EMC10: variants seen among roughly 807,000 people sequenced by gnomAD.
EMC10 encodes ER membrane protein complex subunit 10.
EMC10 carries 40 observed loss-of-function variants against 32.2 expected under a neutral mutation model. The observed-to-expected ratio is 1.24, with a 90% CI of 0.96 to 1.61. The LOEUF is 1.61. Among genes scored for constraint, EMC10 ranks in the 40% most tolerant of loss-of-function variants. The pLI, the probability that EMC10 is intolerant of heterozygous loss-of-function variation, is 0.00. For missense variants in EMC10, 402 were observed against 357.7 expected (o/e 1.12, Z -1.00); for synonymous variants, 178 against 158.4 (o/e 1.12, Z -0.93).
chr19:50,479,148 C>G, intron 3 of EMC10, 82 bp downstream of exon 3: 2 of 1,135,350 alleles, frequency 1.8e-6, no homozygotes, highest in Non-Finnish European at 2.6e-6. Flanking sequence ...TGCTGGTCCC[C>G]AGCAGCCTTC....
In EMC10 at chr19:50,486,770, C is replaced by G. The variant is rs1978371416; in HGVS notation, c.*4511C>G. 6.6e-6 allele frequency: 1 copy of G among 152,156 alleles called. No homozygotes were observed. Among genetic ancestry groups the G allele is most frequent in the Non-Finnish European group, 1.5e-5 (1 of 68,032 alleles). 9.4% of individuals were successfully genotyped at this position (152,156 alleles called of 1,614,324 possible). A position where few individuals can be genotyped will look rare whatever the true frequency, so the allele number is the denominator to read the frequency against. On this transcript the variant is annotated 3_prime_UTR_variant, in exon 7 of 7. Transcript: ENST00000334976. ...GCCAATCCACCCACCCATAGAATGACTTGAAAATGTGTGAAGTTCAGAAGT... is the reference window on the plus strand; with the variant it reads ...GCCAATCCACCCACCCATAGAATGAGTTGAAAATGTGTGAAGTTCAGAAGT...
At position 50,489,704 on chromosome 19, in the gene EMC10, A is replaced by T. The variant is rs1489861880; in HGVS notation, c.*7445A>T. The T allele has an allele frequency of 2.0e-5, 3 of 152,670 alleles. No homozygotes were observed. The highest frequency in any genetic ancestry group is 7.2e-5 in the African/African-American group (3 of 41,452). The allele number at this position is 152,670 out of a possible 1,614,324, so 9.5% of individuals were successfully genotyped here. On this transcript the variant is annotated 3_prime_UTR_variant, in exon 7 of 7. Transcript: ENST00000334976. Reference sequence around the variant, plus strand: ...AGGGAGAGAAAGGACAACGAATGGGACTAGACGAGGATGGGGAGGAACAGA... The same window carrying T: ...AGGGAGAGAAAGGACAACGAATGGGTCTAGACGAGGATGGGGAGGAACAGA...
chr19:50,476,608 C>A lies in EMC10; in HGVS notation c.64C>A (p.Pro22Thr). 1 of 1,561,808 alleles carries A rather than the reference C, an allele frequency of 6.4e-7. No homozygotes were observed. The highest frequency in any genetic ancestry group is 8.6e-7 in the Non-Finnish European group (1 of 1,159,426). ...GCTCTTGCTGATGGCGGTAGCAGCG[C>A]CCAGTCGAGCCCGGGGCAGCGGCTG... ...LLLLLMAVAAPSRARGSGCRA... is the reference protein window; with the variant it reads ...LLLLLMAVAATSRARGSGCRA... Residue 22 changes from proline (P) to threonine (T), a missense_variant, in exon 1 of 7, where the codon CCC becomes ACC. Pro to Thr is a conservative substitution (Grantham distance 38). Transcript: ENST00000334976.
Position 50,479,065 on chromosome 19 carries a change from G to T in EMC10, c.296G>T (p.Arg99Leu), listed in dbSNP as rs750637693. 22 of 1,597,854 alleles carry T rather than the reference G, an allele frequency of 1.4e-5. No homozygotes were observed. The highest frequency in any genetic ancestry group is 1.8e-5 in the Non-Finnish European group (21 of 1,172,918). Residue 99 changes from arginine (R) to leucine (L), a missense_variant and splice_region_variant, in exon 3 of 7, where the codon CGG becomes CTG. Coordinates refer to ENST00000334976, the MANE Select transcript of EMC10 (RefSeq NM_206538.4). Reference protein sequence around the residue: ...QLSEEERGRLRDVAALNGLYR... With the variant: ...QLSEEERGRLLDVAALNGLYR... Reference sequence around the variant, plus strand: ...AGCGAGGAGGAGCGGGGCCGACTCCGGGTGAGGTGGGGCCCTCAGGGCTGG... The same window carrying T: ...AGCGAGGAGGAGCGGGGCCGACTCCTGGTGAGGTGGGGCCCTCAGGGCTGG...
chr19:50,482,033 T>A, intron 6 of EMC10, 116 bp from the exon 7 acceptor site: 1 of 1,528,734 alleles, frequency 6.5e-7, no homozygotes, highest in African/African-American at 1.4e-5. Context: ...CGCCCTCCCC[T>A]TACGCGACCT....
In EMC10 at chr19:50,476,621, G is replaced by A. The variant is rs747264212; in HGVS notation, c.77G>A (p.Arg26Gln). Residue 26 changes from arginine to glutamine, a missense_variant, in exon 1 of 7, where the codon CGG becomes CAG. Arg to Gln is a conservative substitution (Grantham distance 43). Transcript: ENST00000334976. ...LMAVAAPSRA[R>Q]GSGCRAGTGA... ...GCGGTAGCAGCGCCCAGTCGAGCCC[G>A]GGGCAGCGGCTGCCGGGCCGGGACT... 5.8e-6 allele frequency: 9 copies of A among 1,556,282 alleles called. No homozygotes were observed. Among genetic ancestry groups the A allele is most frequent in the East Asian group, 2.4e-5 (1 of 42,170 alleles).
In EMC10 at chr19:50,484,540, A is replaced by C. The variant is rs1260462637; in HGVS notation, c.*2281A>C. On this transcript the variant is annotated 3_prime_UTR_variant, in exon 7 of 7. Coordinates refer to ENST00000334976, the MANE Select transcript of EMC10 (RefSeq NM_206538.4). ...TGTTGGGTATTCCAGGAAATGCCTG[A>C]GCTCCTTCAGGCTCCCCTAGCGTTC... is the stretch of plus-strand genomic sequence containing the variant. 1 of 151,888 alleles carries C rather than the reference A, an allele frequency of 6.6e-6. No homozygotes were observed. Among genetic ancestry groups the C allele is most frequent in the African/African-American group, 2.4e-5 (1 of 41,310 alleles). 9.4% of individuals were successfully genotyped at this position (151,888 alleles called of 1,614,324 possible). A position where few individuals can be genotyped will look rare whatever the true frequency, so the allele number is the denominator to read the frequency against.
At chr19:50,477,801 A>G in intron 1 of EMC10, 128 bp from the exon 2 acceptor site, 1 of 618,134 alleles carries the variant, frequency 1.6e-6, no homozygotes, top group South Asian at 2.2e-5. Context: ...AAAGGCAAGC[A>G]GCAGTGATTA....
At chr19:50,481,201 G>T in intron 6 of EMC10, 1 of 517,064 alleles carries the variant, frequency 1.9e-6, no homozygotes, top group South Asian at 2.8e-5. Context: ...AGGGTCCTGG[G>T]GGAGGTCTCG....
chr19:50,487,361 G>T lies in EMC10; in HGVS notation c.*5102G>T, dbSNP rs1256052058. ...GAGCCCACTCCTGGCCAACCCCAGG[G>T]GCCCCACCCAGTCCTGTCCCTGCTC... On this transcript the variant is annotated 3_prime_UTR_variant, in exon 7 of 7. Transcript: ENST00000334976. 1 of 152,214 alleles carries T rather than the reference G, an allele frequency of 6.6e-6. No individual in the cohort carries two copies. Among genetic ancestry groups the T allele is most frequent in the Admixed American group, 6.5e-5 (1 of 15,272 alleles). The allele number at this position is 152,214 out of a possible 1,614,324, so 9.4% of individuals were successfully genotyped here. A position where few individuals can be genotyped will look rare whatever the true frequency, so the allele number is the denominator to read the frequency against.
At position 50,480,744 on chromosome 19, in the gene EMC10, C is replaced by T. The variant is rs143536282; in HGVS notation, c.566C>T (p.Pro189Leu). 43 of 1,596,196 alleles carry T rather than the reference C, an allele frequency of 2.7e-5. No individual in the cohort carries two copies. The highest frequency in any genetic ancestry group is 5.1e-5 in the Admixed American group (3 of 58,688). Residue 189 changes from proline to leucine, a missense_variant, in exon 5 of 7, where the codon CCG becomes CTG. Physicochemically the swap from Pro to Leu is moderately conservative, Grantham distance 98. Transcript: ENST00000334976. The surrounding 1 kb of genome is among the most constrained non-coding windows in gnomAD (Gnocchi z 4.4). ...ELFNTSVQLQ[P>L]PTTAPGPETA... ...TTCAACACCTCGGTGCAGCTGCAGC[C>T]GCCCACCACAGCCCCAGGGTGAGCC... is the stretch of plus-strand genomic sequence containing the variant.
At chr19:50,481,560 TGTG>T in intron 6 of EMC10, 1 of 444,164 alleles carries the variant, frequency 2.3e-6, no homozygotes, top group South Asian at 3.2e-5. Flanking sequence ...GGTGTTAGGT[TGTG>T]GCACAGGAGC....
rs1978375667 is a variant in EMC10, at chr19:50,486,892, C to T, written c.*4633C>T. ...ATATTACAACTTCTCCCTCTCCCCTCCTTCCACCCAGTATCCCCTGTTCCT... is the reference window on the plus strand; with the variant it reads ...ATATTACAACTTCTCCCTCTCCCCTTCTTCCACCCAGTATCCCCTGTTCCT... On this transcript the variant is annotated 3_prime_UTR_variant, in exon 7 of 7. Transcript: ENST00000334976. The T allele has an allele frequency of 6.6e-6, 1 of 152,198 alleles. No homozygotes were observed. The highest frequency in any genetic ancestry group is 2.1e-4 in the South Asian group (1 of 4,812). 9.4% of individuals were successfully genotyped at this position (152,198 alleles called of 1,614,324 possible). A position where few individuals can be genotyped will look rare whatever the true frequency, so the allele number is the denominator to read the frequency against.
Position 50,486,905 on chromosome 19 carries a change from A to G in EMC10, c.*4646A>G, listed in dbSNP as rs1978376079. ...TCCCTCTCCCCTCCTTCCACCCAGT[A>G]TCCCCTGTTCCTCCCCCAGGCATTC... is the stretch of plus-strand genomic sequence containing the variant. On this transcript the variant is annotated 3_prime_UTR_variant, in exon 7 of 7. Transcript: ENST00000334976. The G allele has an allele frequency of 6.6e-6, 1 of 151,672 alleles. No homozygotes were observed. Among genetic ancestry groups the G allele is most frequent in the African/African-American group, 2.4e-5 (1 of 41,160 alleles). 9.4% of individuals were successfully genotyped at this position (151,672 alleles called of 1,614,324 possible). A position where few individuals can be genotyped will look rare whatever the true frequency, so the allele number is the denominator to read the frequency against.
At chr19:50,481,596 A>G (rs2387112) in intron 6 of EMC10, 350,805 of 497,196 alleles carry the variant, frequency 0.71, 125,622 homozygotes, top group African/African-American at 0.92. Flanking sequence ...AGGCCAGCGA[A>G]GAGGTCTGTG....
Position 50,480,637 on chromosome 19 carries a change from C to A in EMC10, c.459C>A (p.Ala153=). ...SDQLTLHVDV[A]GNVVGVSVVT... The stretch of plus-strand genomic sequence containing the variant: ...AGCTGACCCTGCACGTGGATGTGGC[C>A]GGCAACGTGGTGGGCGTGTCGGTGG... The change falls in exon 5 of 7, where the codon GCC becomes GCA. Residue 153 remains alanine (A), a synonymous_variant. Coordinates refer to ENST00000334976, the MANE Select transcript of EMC10 (RefSeq NM_206538.4). This position sits in a 1 kb window ranked among gnomAD's most constrained non-coding sequence, Gnocchi z 4.4. 1 of 1,583,618 alleles carries A rather than the reference C, an allele frequency of 6.3e-7. No homozygotes were observed. The highest frequency in any genetic ancestry group is 2.3e-5 in the East Asian group (1 of 43,130).
chr19:50,481,761 G>A (rs1473241799), intron 6 of EMC10: 3 of 1,022,546 alleles, frequency 2.9e-6, no homozygotes, highest in Non-Finnish European at 4.2e-6. Flanking sequence ...TGCCTGCTGG[G>A]CCCTGCCCTG....
Position 50,482,594 on chromosome 19 carries a change from C to T in EMC10, c.*335C>T, listed in dbSNP as rs1016758978. ...CGCATCCCCCTACCCCGAGCCCATG[C>T]AGTCTGGGAACATGCCGCCTTCTCT... On this transcript the variant is annotated 3_prime_UTR_variant, in exon 7 of 7. Coordinates refer to ENST00000334976, the MANE Select transcript of EMC10 (RefSeq NM_206538.4). 20 of 502,396 alleles carry T rather than the reference C, an allele frequency of 4.0e-5. No individual in the cohort carries two copies. The highest frequency in any genetic ancestry group is 7.0e-5 in the Non-Finnish European group (20 of 286,312). 31.1% of individuals were successfully genotyped at this position (502,396 alleles called of 1,614,324 possible).
At chr19:50,477,678 C>T (rs1294425870) in intron 1 of EMC10, among the ~76,000 whole-genome samples, 2 of 152,134 alleles carry the variant, frequency 1.3e-5, no homozygotes, top group African/African-American at 2.4e-5. Context: ...TGGAAGTGAC[C>T]TTGGGATAGT....
Sources: allele counts gnomAD v4.1 joint callset (sites outside exome capture counted in the v4.1 genomes callset), GRCh38; gene constraint gnomAD v4.1.1; non-coding constraint Gnocchi (gnomAD v3.1); transcripts MANE v1.5; gene names NCBI Gene and HGNC (gene_info 2026-07-23, HGNC 2026-07-21).